NCAPD2: variants seen among roughly 807,000 people sequenced by gnomAD.
NCAPD2 encodes the protein non-SMC condensin I complex subunit D2.
Under a neutral mutation model 164.5 loss-of-function variants are expected in NCAPD2, and 100 were observed. That is an observed-to-expected ratio of 0.61 (90% CI 0.52 to 0.72). The LOEUF is 0.72. Among genes scored for constraint, NCAPD2 ranks in the 30% least tolerant of loss-of-function variants. The pLI, the probability that NCAPD2 is intolerant of heterozygous loss-of-function variation, is 0.00. For synonymous variants in NCAPD2, 585 were observed against 642.6 expected, an observed-to-expected ratio of 0.91 and a Z score of 1.36; for missense variants, 1,560 against 1,749.2, an observed-to-expected ratio of 0.89 and a Z score of 1.93.
intron 17 of NCAPD2, 52 bp downstream of exon 17, chr12:6,523,398 G>GTTTC: frequency 1.1e-6 from 1 of 871,554 alleles, no homozygotes; most frequent in Admixed American, 2.9e-5. Flanking sequence ...TATTTTGGTT[G>GTTTC]TTTTTTTTTT....
chr12:6,495,995 T>A (rs1261549257), intron 2 of NCAPD2, among the ~76,000 whole-genome samples: 1 of 152,140 alleles, frequency 6.6e-6, no homozygotes, highest in East Asian at 1.9e-4. Flanking sequence ...GACAATATGG[T>A]CCTAGCTTGT....
rs768266220 is a variant in NCAPD2, at chr12:6,530,967, T to C, written c.4011T>C (p.Phe1337=). The stretch of plus-strand genomic sequence containing the variant: ...CTTCTACAGCCTCAGACAATGACTT[T>C]GTCACACCAGAGCCCCGCCGTACTA... ...PLASTASDND[F]VTPEPRRTTR... Residue 1337 remains phenylalanine (F), a synonymous_variant, in exon 31 of 32, where the codon TTT becomes TTC. Coordinates refer to ENST00000315579, the MANE Select transcript of NCAPD2 (RefSeq NM_014865.4). 2.5e-6 allele frequency: 4 copies of C among 1,614,198 alleles called. No individual in the cohort carries two copies. Among genetic ancestry groups the C allele is most frequent in the East Asian group, 2.2e-5 (1 of 44,880 alleles).
intron 29 of NCAPD2, among the ~76,000 whole-genome samples, chr12:6,530,180 G>A (rs1946358406): frequency 6.6e-6 from 1 of 152,150 alleles, no homozygotes; most frequent in Non-Finnish European, 1.5e-5. Flanking sequence ...TCCAATTCTT[G>A]TTTGTTTGTT....
At position 6,523,242 on chromosome 12, in the gene NCAPD2, G is replaced by A. The variant is rs759291659; in HGVS notation, c.2130-20G>A. 6.2e-7 allele frequency: 1 copy of A among 1,610,150 alleles called. No individual in the cohort carries two copies. Among genetic ancestry groups the A allele is most frequent in the South Asian group, 1.1e-5 (1 of 90,990 alleles). Reference sequence around the variant, plus strand: ...GCTTCCCAATCTTATAGTGACCGCTGATCTCTGCTGTTCCCACAGAGCCAA... The same window carrying A: ...GCTTCCCAATCTTATAGTGACCGCTAATCTCTGCTGTTCCCACAGAGCCAA... On this transcript the variant is annotated intron_variant, in intron 16 of 31. Coordinates refer to ENST00000315579, the MANE Select transcript of NCAPD2 (RefSeq NM_014865.4).
Position 6,528,467 on chromosome 12 carries a change from C to T in NCAPD2, c.3299+139C>T, listed in dbSNP as rs1359266946. The T allele has an allele frequency of 1.6e-6, 2 of 1,280,938 alleles. No homozygotes were observed. The highest frequency in any genetic ancestry group is 2.3e-5 in the East Asian group (1 of 42,948). The allele number at this position is 1,280,938 out of a possible 1,614,324, so 79.3% of individuals were successfully genotyped here. On this transcript the variant is annotated intron_variant, in intron 25 of 31. Transcript: ENST00000315579. The surrounding 1 kb of genome is among the most constrained non-coding windows in gnomAD (Gnocchi z 5.1). ...CTGCTTGATACTTGACCTGTACAGG[C>T]CCCTGGCTAAGAGTCACCCCAGTGG...
intron 2 of NCAPD2, 45 bp from the exon 3 acceptor site, chr12:6,509,672 G>A (rs763908510): frequency 7.7e-6 from 12 of 1,558,494 alleles, no homozygotes; most frequent in Middle Eastern, 1.7e-4. Flanking sequence ...TTACTGAAAA[G>A]GTTTCTCTTC....
rs773808799 is a variant in NCAPD2, at chr12:6,523,327, T to C, written c.2195T>C (p.Ile732Thr). 3 of 1,613,772 alleles carry C rather than the reference T, an allele frequency of 1.9e-6. No homozygotes were observed. The highest frequency in any genetic ancestry group is 2.2e-5 in the East Asian group (1 of 44,884). Residue 732 changes from isoleucine (I) to threonine (T), a missense_variant, in exon 17 of 32, where the codon ATT becomes ACT. Transcript: ENST00000315579. ...LLLVDASVGT[I>T]QCLEEILCEF... is the part of the protein sequence containing the mutation. ...CTAGTGGATGCCTCGGTTGGGACCA[T>C]TCAGTGTCTTGAGGAAATTGTAAGG... is the stretch of plus-strand genomic sequence containing the variant.
At chr12:6,523,212 G>A (rs1186994707) in intron 16 of NCAPD2, 50 bp from the exon 17 acceptor site, 3 of 1,583,780 alleles carry the variant, frequency 1.9e-6, no homozygotes, top group Non-Finnish European at 2.6e-6. Flanking sequence ...TGTTTGCCAA[G>A]TTCAGCTTCC....
At position 6,495,063 on chromosome 12, in the gene NCAPD2, G is replaced by C; in HGVS notation, c.-23-13G>C. On this transcript the variant is annotated splice_polypyrimidine_tract_variant and intron_variant, in intron 1 of 31. Coordinates refer to ENST00000315579, the MANE Select transcript of NCAPD2 (RefSeq NM_014865.4). ...GAATATAGACCCTGACTTTTTCACT[G>C]TTTGGTTTCTAGCCCTGTGAGCCTG... The C allele has an allele frequency of 1.2e-6, 2 of 1,612,154 alleles. No homozygotes were observed. Among genetic ancestry groups the C allele is most frequent in the Non-Finnish European group, 1.7e-6 (2 of 1,179,126 alleles).
intron 13 of NCAPD2, 125 bp from the exon 14 acceptor site, chr12:6,520,861 G>A: frequency 1.5e-6 from 2 of 1,310,206 alleles, no homozygotes; most frequent in Non-Finnish European, 2.1e-6. Context: ...AACTTTTTAA[G>A]CATGTTAAGT....
At chr12:6,498,146 C>T (rs1190875067) in intron 2 of NCAPD2, among the ~76,000 whole-genome samples, 7 of 151,244 alleles carry the variant, frequency 4.6e-5, no homozygotes, top group Non-Finnish European at 7.4e-5. Context: ...CGAGCTCAAG[C>T]GATCTGCCCA....
chr12:6,502,947 C>T (rs1024410928), intron 2 of NCAPD2, among the ~76,000 whole-genome samples: 1 of 150,664 alleles, frequency 6.6e-6, no homozygotes, highest in Non-Finnish European at 1.5e-5. Flanking sequence ...TCAGTTCAAG[C>T]GATTCTCCTG....
chr12:6,496,271 G>T (rs1463428763), intron 2 of NCAPD2, among the ~76,000 whole-genome samples: 1 of 152,012 alleles, frequency 6.6e-6, no homozygotes, highest in Non-Finnish European at 1.5e-5. Flanking sequence ...TGTTGGCCAG[G>T]CTGGTCTTGA....
intron 2 of NCAPD2, among the ~76,000 whole-genome samples, chr12:6,504,214 T>TATATACAC (rs1565539606): frequency 9.4e-5 from 2 of 21,176 alleles, no homozygotes; most frequent in African/African-American, 4.0e-4. Context: ...TATATATATA[T>TATATACAC]ATAGATATAG....
chr12:6,517,281 A>T (rs954668609), intron 10 of NCAPD2, 84 bp from the exon 11 acceptor site: 1 of 1,546,540 alleles, frequency 6.5e-7, no homozygotes, highest in African/African-American at 1.4e-5. Flanking sequence ...TGGGTAGCTC[A>T]GTTTAGAGTA....
intron 6 of NCAPD2, among the ~76,000 whole-genome samples, chr12:6,513,132 C>T (rs1946166678): frequency 6.6e-6 from 1 of 152,176 alleles, no homozygotes; most frequent in Non-Finnish European, 1.5e-5. Context: ...CTAGAGATAA[C>T]ACATTTGGGA....
intron 22 of NCAPD2, 112 bp downstream of exon 22, chr12:6,527,175 T>G: frequency 1.7e-6 from 2 of 1,203,776 alleles, no homozygotes; most frequent in Non-Finnish European, 2.3e-6. Flanking sequence ...AGCGAAGAGT[T>G]TCTGCCTCTC....
chr12:6,510,966 A>G (rs1946141007), intron 5 of NCAPD2, 144 bp from the exon 6 acceptor site: 5 of 1,275,238 alleles, frequency 3.9e-6, no homozygotes, highest in Non-Finnish European at 5.5e-6. Context: ...TTCCTGGACA[A>G]GTAGCGCTGT....
Position 6,528,872 on chromosome 12 carries a change from G to A in NCAPD2, c.3477+16G>A. ...CTCCCACAAGGTGAGAGGCAGAGAG[G>A]CACTGAGGGCTGGCTGCAGAGGGAA... On this transcript the variant is annotated intron_variant, in intron 26 of 31. Coordinates refer to ENST00000315579, the MANE Select transcript of NCAPD2 (RefSeq NM_014865.4). The surrounding 1 kb of genome is among the most constrained non-coding windows in gnomAD (Gnocchi z 5.1). 6.2e-7 allele frequency: 1 copy of A among 1,612,972 alleles called. No homozygotes were observed. Among genetic ancestry groups the A allele is most frequent in the South Asian group, 1.1e-5 (1 of 91,062 alleles).
Sources: allele counts gnomAD v4.1 joint callset (sites outside exome capture counted in the v4.1 genomes callset), GRCh38; gene constraint gnomAD v4.1.1; non-coding constraint Gnocchi (gnomAD v3.1); transcripts MANE v1.5; gene names NCBI Gene and HGNC (gene_info 2026-07-23, HGNC 2026-07-21).